ACP7: variants seen among roughly 807,000 people sequenced by gnomAD.
The protein encoded by ACP7 is acid phosphatase 7, tartrate resistant (putative).
Under a neutral mutation model 60.6 loss-of-function variants are expected in ACP7, and 58 were observed. The observed-to-expected ratio is 0.96, with a 90% CI of 0.77 to 1.19. The LOEUF (loss-of-function observed/expected upper bound fraction) is 1.19, where lower values mean the gene tolerates loss of function less well. Among genes scored for constraint, ACP7 ranks in the 50% most tolerant of loss-of-function variants. The probability of loss-of-function intolerance (pLI) is 0.00; values close to 1 mark genes in which losing one functional copy is unlikely to be tolerated. For missense variants in ACP7, 574 were observed against 596.2 expected (o/e 0.96, Z 0.39); for synonymous variants, 237 against 232.6 (o/e 1.02, Z -0.17).
intron 2 of ACP7, among the ~76,000 whole-genome samples, chr19:39,097,335 C>T (rs774918): frequency 3.0e-4 from 45 of 150,102 alleles, no homozygotes; most frequent in Non-Finnish European, 4.6e-4. Flanking sequence ...ACCATCTCAC[C>T]GAGGTTGCAG....
intron 11 of ACP7, among the ~76,000 whole-genome samples, chr19:39,102,364 A>G (rs1044283096): frequency 2.0e-5 from 3 of 147,618 alleles, no homozygotes; most frequent in Non-Finnish European, 4.5e-5. Context: ...CTGTTAGACC[A>G]TGCAAATGTC....
intron 2 of ACP7, among the ~76,000 whole-genome samples, chr19:39,092,323 G>A (rs1210782143): frequency 5.9e-5 from 9 of 151,996 alleles, no homozygotes; most frequent in Non-Finnish European, 1.2e-4. Flanking sequence ...GCAGTGAGCC[G>A]AAATTGTGCT....
chr19:39,087,044 T>G (rs2073150869), intron 2 of ACP7, among the ~76,000 whole-genome samples: 1 of 152,174 alleles, frequency 6.6e-6, no homozygotes, highest in Non-Finnish European at 1.5e-5. Context: ...GGTCTCGCTC[T>G]GTCAACCAGG....
chr19:39,110,301 G>A lies in ACP7; in HGVS notation c.*183G>A. The A allele has an allele frequency of 1.6e-6, 1 of 614,808 alleles. No individual in the cohort carries two copies. Among genetic ancestry groups the A allele is most frequent in the Non-Finnish European group, 2.8e-6 (1 of 351,206 alleles). The allele number at this position is 614,808 out of a possible 1,614,324, so 38.1% of individuals were successfully genotyped here. A position where few individuals can be genotyped will look rare whatever the true frequency, so the allele number is the denominator to read the frequency against. ...GCTGTTCCCTCCTGGAGAGGTGGGA[G>A]TCCTGGCTGGCTGTGGAGGGAGGGC... On this transcript the variant is annotated 3_prime_UTR_variant, in exon 13 of 13. Coordinates refer to ENST00000331256, the MANE Select transcript of ACP7 (RefSeq NM_001004318.3).
intron 1 of ACP7, 29 bp from the exon 2 acceptor site, chr19:39,085,063 C>T (rs1368713896): frequency 5.3e-6 from 3 of 561,220 alleles, no homozygotes; most frequent in Non-Finnish European, 9.1e-6. Context: ...TGTTCCTTAG[C>T]GATTCTTATT....
At position 39,099,182 on chromosome 19, in the gene ACP7, G is replaced by T. The variant is rs1187992125; in HGVS notation, c.505+40G>T. The T allele has an allele frequency of 4.7e-6, 7 of 1,477,842 alleles. No individual in the cohort carries two copies. In the South Asian group the frequency reaches 9.6e-5, roughly 20 times the overall value. 91.5% of individuals were successfully genotyped at this position (1,477,842 alleles called of 1,614,324 possible). A position where few individuals can be genotyped will look rare whatever the true frequency, so the allele number is the denominator to read the frequency against. On this transcript the variant is annotated intron_variant, in intron 4 of 12. Coordinates refer to ENST00000331256, the MANE Select transcript of ACP7 (RefSeq NM_001004318.3). ...GGGGCGCGCGCAGGGACGGTGGGGG[G>T]CGCGCGCAGGGATGGTGGGGGGCGC...
At chr19:39,104,367 A>G (rs1039874488) in intron 11 of ACP7, among the ~76,000 whole-genome samples, 12 of 152,152 alleles carry the variant, frequency 7.9e-5, no homozygotes, top group African/African-American at 2.6e-4. Context: ...CTTGGTGCAC[A>G]TCAGAATTAC....
rs1050073533 is a variant in ACP7 at position 39,107,162 on chromosome 19, C to T, written c.1251+78C>T. 1.9e-5 allele frequency: 27 copies of T among 1,412,668 alleles called. No homozygotes were observed. The African/African-American group carries it at 3.3e-4, about 17-fold the overall frequency. The allele number at this position is 1,412,668 out of a possible 1,614,324, so 87.5% of individuals were successfully genotyped here. ...GCAAATGAGCTGTTAAAAACGTGGG[C>T]TCGGCCGGGCGCAGTGGCTCATGCC... On this transcript the variant is annotated intron_variant, in intron 12 of 12. Coordinates refer to ENST00000331256, the MANE Select transcript of ACP7 (RefSeq NM_001004318.3).
chr19:39,088,419 C>T (rs57733150), intron 2 of ACP7, among the ~76,000 whole-genome samples: 26,341 of 152,172 alleles, frequency 0.17, 2,635 homozygotes, highest in East Asian at 0.3. Context: ...TTGGACAAAG[C>T]GCTTTGCCTG....
intron 12 of ACP7, among the ~76,000 whole-genome samples, chr19:39,108,812 T>C (rs1448123048): frequency 6.6e-6 from 1 of 152,106 alleles, no homozygotes; most frequent in Non-Finnish European, 1.5e-5. Context: ...CTGCATTTAG[T>C]AGCACTTTAT....
At chr19:39,088,257 A>G (rs538791195) in intron 2 of ACP7, among the ~76,000 whole-genome samples, 10 of 152,242 alleles carry the variant, frequency 6.6e-5, no homozygotes, top group African/African-American at 2.4e-4. Context: ...TCCTGGGCTC[A>G]AGTGATCCTC....
chr19:39,098,269 AAAAAAAAAAAG>A lies in ACP7; in HGVS notation c.122-184_122-174del, dbSNP rs1248336843. ...ACCCTGACTCAAAAAAAAAAAAAAAAAAAAAAAAAAGAAAAGAAAAGAAAAGAAAAGAAATG... is the reference window on the plus strand; with the variant it reads ...ACCCTGACTCAAAAAAAAAAAAAAAAAAAAGAAAAGAAAAGAAAAGAAATG... On this transcript the variant is annotated intron_variant, in intron 2 of 12. Transcript: ENST00000331256. Among the ~76,000 whole-genome samples the A allele has an allele frequency of 1.2e-3, 178 of 150,898 alleles. No homozygotes were observed. The East Asian group carries it at 0.027, about 23-fold the overall frequency.
chr19:39,098,372 G>A (rs1206553762), intron 2 of ACP7, 86 bp from the exon 3 acceptor site: 22 of 1,041,064 alleles, frequency 2.1e-5, no homozygotes, highest in Non-Finnish European at 2.8e-5. Flanking sequence ...GTTCAACAGT[G>A]GTCAACGCCC....
At position 39,107,081 on chromosome 19, in the gene ACP7, C is replaced by A; in HGVS notation, c.1248C>A (p.Asp416Glu). Residue 416 changes from aspartate to glutamate, a missense_variant, in exon 12 of 13, where the codon GAC (aspartate) becomes GAA (glutamate). Asp to Glu is a conservative substitution (Grantham distance 45, BLOSUM62 2). Transcript: ENST00000331256. ...TCCACATCCAGCAGGTGTCGGACGA[C>A]CAGGTCAGTGAGGGGCAGGCCGAAG... ...THIHIQQVSD[D>E]QDGKIVDDVW... 2 of 1,613,838 alleles carry A rather than the reference C, an allele frequency of 1.2e-6. No individual in the cohort carries two copies. The highest frequency in any genetic ancestry group is 1.7e-6 in the Non-Finnish European group (2 of 1,179,900).
Position 39,101,171 on chromosome 19 carries a change from A to T in ACP7, c.937A>T (p.Lys313Ter). 1 of 1,614,170 alleles carries T rather than the reference A, an allele frequency of 6.2e-7. No homozygotes were observed. Among genetic ancestry groups the T allele is most frequent in the Non-Finnish European group, 8.5e-7 (1 of 1,180,014 alleles). ...CCAGGTCCGCAAAGGCCTCCAAGGC[A>T]AGCTGTACGGGTTGGAGGATCTTTT... is the stretch of plus-strand genomic sequence containing the variant. ...ESKVRKGLQG[K>*]LYGLEDLFYK... is the part of the protein sequence containing the mutation. The change falls in exon 9 of 13, where the codon AAG (lysine) becomes TAG (stop). Residue 313 changes from lysine to a stop codon, truncating the protein, a stop_gained. Transcript: ENST00000331256. LOFTEE classifies it high-confidence loss of function.
rs190524388 is a variant in ACP7 at position 39,110,148 on chromosome 19, A to C, written c.*30A>C. The C allele has an allele frequency of 3.8e-4, 605 of 1,600,482 alleles. No individual in the cohort carries two copies. In the African/African-American group the frequency reaches 4.2e-3, roughly 11 times the overall value. On this transcript the variant is annotated 3_prime_UTR_variant, in exon 13 of 13. Transcript: ENST00000331256. ...GGCGGCAGCTCTCCTCCAGAAGCCT[A>C]GGTTTTGCCGCCTTGGCTGCTGTGA...
At chr19:39,092,113 C>G (rs1466374591) in intron 2 of ACP7, among the ~76,000 whole-genome samples, 1 of 151,242 alleles carries the variant, frequency 6.6e-6, no homozygotes, top group Non-Finnish European at 1.5e-5. Flanking sequence ...TGGCTCACAC[C>G]TGTAATCTCA....
chr19:39,108,139 A>ATT lies in ACP7; in HGVS notation c.1251+1072_1251+1073dup, dbSNP rs35561896. ...TGAGTGACCTTGAGTCACTCATCTA[A>ATT]TTTTTTTTTTTTTTTTTTGAGATGG... On this transcript the variant is annotated intron_variant, in intron 12 of 12. Transcript: ENST00000331256. Among the ~76,000 whole-genome samples, 319 of 135,052 alleles carry ATT rather than the reference A, an allele frequency of 2.4e-3. 2 individuals carry two copies. Among genetic ancestry groups the ATT allele is most frequent in the African/African-American group, 3.9e-3 (141 of 36,004 alleles). 88.6% of individuals were successfully genotyped at this position (135,052 alleles called of 152,430 possible).
rs77007295 is a variant in ACP7 at position 39,110,016 on chromosome 19, C to A, written c.1252-37C>A. 7.9e-3 allele frequency: 12,624 copies of A among 1,594,596 alleles called. 98 individuals carry two copies. The highest frequency in any genetic ancestry group is 8.7e-3 in the Non-Finnish European group (10,112 of 1,163,122). ...CATGTGGCCCCAGAGTTCAGGCTTT[C>A]AGCTCTAACTACTGTCCCTGTTTTT... On this transcript the variant is annotated intron_variant, in intron 12 of 12. Coordinates refer to ENST00000331256, the MANE Select transcript of ACP7 (RefSeq NM_001004318.3).
Sources: gnomAD v4.1 joint callset for allele counts (sites outside exome capture counted in the v4.1 genomes callset) on GRCh38, gnomAD v4.1.1 for gene constraint, MANE v1.5 for transcripts, NCBI Gene and HGNC (gene_info 2026-07-23, HGNC 2026-07-21) for gene names.